CCND1: variants seen among roughly 807,000 people sequenced by gnomAD.
The protein encoded by CCND1 is G1/S-specific cyclin-D1.
Under a neutral mutation model 26.1 loss-of-function variants are expected in CCND1, and 9 were observed. The observed-to-expected ratio is 0.35, with a 90% CI of 0.21 to 0.60. The LOEUF is 0.60. CCND1 is among the 20% of genes least tolerant of loss of function. The probability of loss-of-function intolerance (pLI) is 0.79; values close to 1 mark genes in which losing one functional copy is unlikely to be tolerated. For missense variants in CCND1, 335 were observed against 392.9 expected (o/e 0.85, Z 1.25); for synonymous variants, 194 against 166.1 (o/e 1.17, Z -1.29).
In CCND1 at chr11:69,652,357, A is replaced by T. The variant is rs1178937280; in HGVS notation, c.*1075A>T. On this transcript the variant is annotated 3_prime_UTR_variant, in exon 5 of 5. Coordinates refer to ENST00000227507, the MANE Select transcript of CCND1 (RefSeq NM_053056.3). ...TTTTTGTTGTGTGTGCAGGGAGGGC[A>T]GTTTTCTAATGGAATGGTTTGGGAA... 3 of 233,548 alleles carry T rather than the reference A, an allele frequency of 1.3e-5. No individual in the cohort carries two copies. Among genetic ancestry groups the T allele is most frequent in the Non-Finnish European group, 2.5e-5 (3 of 118,080 alleles). The allele number at this position is 233,548 out of a possible 1,614,324, so 14.5% of individuals were successfully genotyped here.
chr11:69,647,508 G>A (rs1176304543), intron 3 of CCND1, among the ~76,000 whole-genome samples: 1 of 152,266 alleles, frequency 6.6e-6, no homozygotes, highest in East Asian at 1.9e-4. Context: ...CTAGGCTTCA[G>A]CCATGCGATG....
rs2120119797 is a variant in CCND1 at position 69,651,152 on chromosome 11, C to T, written c.758C>T (p.Ala253Val). Residue 253 changes from alanine to valine, a missense_variant, in exon 5 of 5, where the codon GCC (alanine) becomes GTC (valine). Coordinates refer to ENST00000227507, the MANE Select transcript of CCND1 (RefSeq NM_053056.3). ...CLRACQEQIEALLESSLRQAQ... is the reference protein window; with the variant it reads ...CLRACQEQIEVLLESSLRQAQ... ...CGGGCCTGCCAGGAGCAGATCGAAG[C>T]CCTGCTGGAGTCAAGCCTGCGCCAG... 1.2e-6 allele frequency: 2 copies of T among 1,613,306 alleles called. No homozygotes were observed. Among genetic ancestry groups the T allele is most frequent in the Non-Finnish European group, 8.5e-7 (1 of 1,179,610 alleles).
intron 4 of CCND1, among the ~76,000 whole-genome samples, chr11:69,650,856 TGGGC>T (rs1855845040): frequency 7.3e-6 from 1 of 136,638 alleles, no homozygotes; most frequent in Non-Finnish European, 1.6e-5. Flanking sequence ...GTGTGCAGGG[TGGGC>T]GGGCAAGCAT....
At chr11:69,650,286 G>A (rs949587961) in intron 4 of CCND1, among the ~76,000 whole-genome samples, 4 of 152,232 alleles carry the variant, frequency 2.6e-5, no homozygotes, top group South Asian at 2.1e-4. Flanking sequence ...AGAAGCCCCC[G>A]GGCAGTAAGC....
intron 3 of CCND1, among the ~76,000 whole-genome samples, chr11:69,646,063 GGT>G (rs1855774256): frequency 6.6e-6 from 1 of 152,196 alleles, no homozygotes; most frequent in Admixed American, 6.5e-5. Context: ...CACACACTGG[GGT>G]GGGGGCACGA....
chr11:69,647,909 G>A (rs928432956), intron 3 of CCND1, 85 bp from the exon 4 acceptor site: 48 of 1,523,460 alleles, frequency 3.2e-5, no homozygotes, highest in Non-Finnish European at 4.2e-5. Flanking sequence ...CTTGCTCAGA[G>A]CCAGCACACA....
intron 4 of CCND1, among the ~76,000 whole-genome samples, chr11:69,650,492 G>C (rs1855840193): frequency 6.6e-6 from 1 of 152,222 alleles, no homozygotes; most frequent in Admixed American, 6.5e-5. Flanking sequence ...CCGAGGGCGA[G>C]CACCTCAGTG....
At position 69,651,421 on chromosome 11, in the gene CCND1, T is replaced by C; in HGVS notation, c.*139T>C. 1 of 722,594 alleles carries C rather than the reference T, an allele frequency of 1.4e-6. No homozygotes were observed. The highest frequency in any genetic ancestry group is 1.9e-5 in the African/African-American group (1 of 53,820). 44.8% of individuals were successfully genotyped at this position (722,594 alleles called of 1,614,324 possible). On this transcript the variant is annotated 3_prime_UTR_variant, in exon 5 of 5. Coordinates refer to ENST00000227507, the MANE Select transcript of CCND1 (RefSeq NM_053056.3). ...TCATTCTCCTTGTTGTTGGTTGTTT[T>C]TTCCTTTGCTCTTTCCCCCTTCCAT...
intron 1 of CCND1, among the ~76,000 whole-genome samples, chr11:69,642,284 G>A (rs1009773862): frequency 6.6e-6 from 1 of 152,226 alleles, no homozygotes; most frequent in African/African-American, 2.4e-5. Context: ...TCGGCTTGGA[G>A]GACCTTCTCC....
chr11:69,647,184 C>T (rs1006288011), intron 3 of CCND1, among the ~76,000 whole-genome samples: 3 of 152,226 alleles, frequency 2.0e-5, no homozygotes, highest in African/African-American at 4.8e-5. Context: ...CTACATCAGA[C>T]GGCCCAGAAA....
At chr11:69,644,070 A>C (rs750374012) in intron 3 of CCND1, 79 bp downstream of exon 3, 2 of 1,412,914 alleles carry the variant, frequency 1.4e-6, no homozygotes, top group Admixed American at 3.5e-5. Flanking sequence ...CTTGCTCTCC[A>C]CCTGGGTGCT....
chr11:69,648,068 C>T lies in CCND1; in HGVS notation c.649C>T (p.Leu217=), dbSNP rs137904082. The T allele has an allele frequency of 1.8e-4, 292 of 1,613,902 alleles. 1 individual carries two copies. Among genetic ancestry groups the T allele is most frequent in the Non-Finnish European group, 2.2e-4 (264 of 1,180,020 alleles). ...GGTGGCCGCAGTGCAAGGCCTGAAC[C>T]TGAGGAGCCCCAACAACTTCCTGTC... ...SVVAAVQGLN[L]RSPNNFLSYY... The change falls in exon 4 of 5, where the codon CTG becomes TTG. Residue 217 remains leucine, a synonymous_variant. Coordinates refer to ENST00000227507, the MANE Select transcript of CCND1 (RefSeq NM_053056.3).
chr11:69,644,584 G>T (rs562885156), intron 3 of CCND1, among the ~76,000 whole-genome samples: 3 of 152,212 alleles, frequency 2.0e-5, no homozygotes, highest in Admixed American at 6.5e-5. Context: ...CTGAGGGGGC[G>T]CTTCAGAGCA....
At position 69,652,984 on chromosome 11, in the gene CCND1, C is replaced by T. The variant is rs1855873075; in HGVS notation, c.*1702C>T. 1 of 382,448 alleles carries T rather than the reference C, an allele frequency of 2.6e-6. No homozygotes were observed. Among genetic ancestry groups the T allele is most frequent in the Non-Finnish European group, 4.7e-6 (1 of 214,704 alleles). 23.7% of individuals were successfully genotyped at this position (382,448 alleles called of 1,614,324 possible). A position where few individuals can be genotyped will look rare whatever the true frequency, so the allele number is the denominator to read the frequency against. ...CATGGGTGCAAGGAAAATTAGGGTACTCAACCTAAGTTCGGTTCCGATGAA... is the reference window on the plus strand; with the variant it reads ...CATGGGTGCAAGGAAAATTAGGGTATTCAACCTAAGTTCGGTTCCGATGAA... On this transcript the variant is annotated 3_prime_UTR_variant, in exon 5 of 5. Coordinates refer to ENST00000227507, the MANE Select transcript of CCND1 (RefSeq NM_053056.3).
intron 4 of CCND1, among the ~76,000 whole-genome samples, chr11:69,649,091 C>T (rs568096206): frequency 3.9e-5 from 6 of 152,182 alleles, no homozygotes; most frequent in Admixed American, 2.6e-4. Flanking sequence ...TGCACCCTGC[C>T]CCGTGTTATC....
At chr11:69,650,161 T>C (rs775051479) in intron 4 of CCND1, among the ~76,000 whole-genome samples, 1 of 152,236 alleles carries the variant, frequency 6.6e-6, no homozygotes, top group African/African-American at 2.4e-5. Flanking sequence ...CCAGCCCTGC[T>C]CCTTGTGGAA....
In CCND1 at chr11:69,654,212, G is replaced by A. The variant is rs1271111248; in HGVS notation, c.*2930G>A. 1.4e-5 allele frequency: 10 copies of A among 701,272 alleles called. No homozygotes were observed. Among genetic ancestry groups the A allele is most frequent in the African/African-American group, 3.5e-5 (2 of 57,190 alleles). 43.4% of individuals were successfully genotyped at this position (701,272 alleles called of 1,614,324 possible). ...GAACCACGCGGGGGCCTTGAGGGAC[G>A]CTTTGTCTGTCGTGATGGGGCAAGG... On this transcript the variant is annotated 3_prime_UTR_variant, in exon 5 of 5. Coordinates refer to ENST00000227507, the MANE Select transcript of CCND1 (RefSeq NM_053056.3). The surrounding 1 kb of genome is among the most constrained non-coding windows in gnomAD (Gnocchi z 6.3).
chr11:69,644,173 T>C, intron 3 of CCND1, 182 bp downstream of exon 3: 1 of 646,528 alleles, frequency 1.5e-6, no homozygotes, highest in Non-Finnish European at 2.8e-6. Context: ...TCGCGCTGGA[T>C]GGAGGGAGAT....
chr11:69,643,889 C>A lies in CCND1; in HGVS notation c.472C>A (p.His158Asn). The A allele has an allele frequency of 1.9e-6, 3 of 1,613,650 alleles. No homozygotes were observed. Among genetic ancestry groups the A allele is most frequent in the Non-Finnish European group, 2.5e-6 (3 of 1,179,950 alleles). ...GTGGAACCTGGCCGCAATGACCCCG[C>A]ACGATTTCATTGAACACTTCCTCTC... ...LKWNLAAMTP[H>N]DFIEHFLSKM... The change falls in exon 3 of 5, where the codon CAC becomes AAC. Residue 158 changes from histidine to asparagine, a missense_variant. Coordinates refer to ENST00000227507, the MANE Select transcript of CCND1 (RefSeq NM_053056.3).
Sources: gnomAD v4.1 joint callset for allele counts (sites outside exome capture counted in the v4.1 genomes callset) on GRCh38, gnomAD v4.1.1 for gene constraint, Gnocchi (gnomAD v3.1) non-coding constraint, MANE v1.5 for transcripts, NCBI Gene and HGNC (gene_info 2026-07-23, HGNC 2026-07-21) for gene names.